The following OVOL2 variants were observed in gnomAD, a reference collection of about 807,000 sequenced individuals.
OVOL2 encodes transcription factor Ovo-like 2.
In OVOL2, 13 loss-of-function variants were observed where a neutral mutation model predicts 18.1. That is an observed-to-expected ratio of 0.72 (90% CI 0.47 to 1.14). The LOEUF (loss-of-function observed/expected upper bound fraction) is 1.14, where lower values mean the gene tolerates loss of function less well. OVOL2 is among the 50% of genes most tolerant of loss of function. The pLI is 0.00. For synonymous variants in OVOL2, 166 were observed against 162.7 expected, an observed-to-expected ratio of 1.02 and a Z score of -0.16; for missense variants, 335 against 383.0, an observed-to-expected ratio of 0.87 and a Z score of 1.05.
intron 3 of OVOL2, among the ~76,000 whole-genome samples, chr20:18,036,854 A>G (rs1226793882): frequency 6.6e-6 from 1 of 152,078 alleles, no homozygotes; most frequent in African/African-American, 2.4e-5. Context: ...AAACTGCAAC[A>G]GGCCGGGCGC....
chr20:18,055,705 A>G (rs1264854711), intron 2 of OVOL2, among the ~76,000 whole-genome samples: 1 of 151,578 alleles, frequency 6.6e-6, no homozygotes, highest in Non-Finnish European at 1.5e-5. Flanking sequence ...ACCGCCCTCT[A>G]CTCCCGGTCT....
At chr20:18,025,581 T>C (rs762830978) in intron 3 of OVOL2, among the ~76,000 whole-genome samples, 1 of 151,940 alleles carries the variant, frequency 6.6e-6, no homozygotes, top group Non-Finnish European at 1.5e-5. Flanking sequence ...AAAAATTAAT[T>C]TGGGTATTCC....
At position 18,047,446 on chromosome 20, in the gene OVOL2, G is replaced by A. The variant is rs576798207; in HGVS notation, c.322-5723C>T. On this transcript the variant is annotated intron_variant, in intron 2 of 3. Coordinates refer to ENST00000278780, the MANE Select transcript of OVOL2 (RefSeq NM_021220.4). The stretch of plus-strand genomic sequence containing the variant: ...AATCGTTTGAACCCGGGAGGCGGAG[G>A]TTGCAGTGAGCCGAAATTGTGCCGT... 1.3e-5 allele frequency among the ~76,000 whole-genome samples: 2 copies of A among 149,624 alleles called. 1 individual carries two copies. The highest frequency in any genetic ancestry group is 3.0e-5 in the Non-Finnish European group (2 of 67,264).
chr20:18,035,139 T>C (rs1295716577), intron 3 of OVOL2, among the ~76,000 whole-genome samples: 1 of 152,142 alleles, frequency 6.6e-6, no homozygotes, highest in African/African-American at 2.4e-5. Context: ...AATACAACAC[T>C]CACAGCTCAA....
At chr20:18,047,660 C>T (rs1278363600) in intron 2 of OVOL2, among the ~76,000 whole-genome samples, 1 of 149,680 alleles carries the variant, frequency 6.7e-6, no homozygotes, top group Non-Finnish European at 1.5e-5. Context: ...TCGAGACCAG[C>T]CTGACCAACA....
At chr20:18,039,659 G>A (rs6080948) in intron 3 of OVOL2, among the ~76,000 whole-genome samples, 57,475 of 147,664 alleles carry the variant, frequency 0.39, 11,728 homozygotes, top group Middle Eastern at 0.47. Flanking sequence ...AGTTTTAAAA[G>A]AGGAAAACAG....
rs113737336 is a variant in OVOL2 at position 18,048,015 on chromosome 20, C to T, written c.322-6292G>A. 5.2e-3 allele frequency among the ~76,000 whole-genome samples: 789 copies of T among 152,020 alleles called. 11 individuals are homozygous for T. The highest frequency in any genetic ancestry group is 0.018 in the African/African-American group (760 of 41,464). On this transcript the variant is annotated intron_variant, in intron 2 of 3. Coordinates refer to ENST00000278780, the MANE Select transcript of OVOL2 (RefSeq NM_021220.4). ...AAATTTCTTGTTTCTCGGCCAGATACGGTGGCTCCTGCCTGTAATCCCAGC... is the reference window on the plus strand; with the variant it reads ...AAATTTCTTGTTTCTCGGCCAGATATGGTGGCTCCTGCCTGTAATCCCAGC...
At chr20:18,033,329 C>A (rs1379279149) in intron 3 of OVOL2, among the ~76,000 whole-genome samples, 1 of 152,176 alleles carries the variant, frequency 6.6e-6, no homozygotes, top group African/African-American at 2.4e-5. Flanking sequence ...CGGCTTCACC[C>A]TGTGGAACTC....
intron 3 of OVOL2, among the ~76,000 whole-genome samples, chr20:18,025,437 C>T (rs1037954536): frequency 7.9e-5 from 12 of 152,138 alleles, no homozygotes; most frequent in South Asian, 4.2e-4. Flanking sequence ...GGCATGGTGG[C>T]GCGCACCCAT....
chr20:18,056,606 C>G lies in OVOL2; in HGVS notation c.321+51G>C. On this transcript the variant is annotated intron_variant, in intron 2 of 3. Transcript: ENST00000278780. The surrounding 1 kb of genome is among the most constrained non-coding windows in gnomAD (Gnocchi z 4.2). Reference sequence around the variant, plus strand: ...GGGAGGGGCGCCGGCCTCGGGAGCCCGACGCCAGGGCGTGGTGCAGGTGGC... The same window carrying G: ...GGGAGGGGCGCCGGCCTCGGGAGCCGGACGCCAGGGCGTGGTGCAGGTGGC... The G allele has an allele frequency of 7.5e-7, 1 of 1,324,834 alleles. No homozygotes were observed. Among genetic ancestry groups the G allele is most frequent in the Non-Finnish European group, 9.7e-7 (1 of 1,034,914 alleles). The allele number at this position is 1,324,834 out of a possible 1,614,324, so 82.1% of individuals were successfully genotyped here.
chr20:18,031,158 G>A (rs912317269), intron 3 of OVOL2, among the ~76,000 whole-genome samples: 1 of 152,206 alleles, frequency 6.6e-6, no homozygotes, highest in East Asian at 1.9e-4. Context: ...ACACGACTGT[G>A]AGTCCAAGGC....
chr20:18,025,396 C>A (rs6080939), intron 3 of OVOL2, among the ~76,000 whole-genome samples: 1 of 151,834 alleles, frequency 6.6e-6, no homozygotes, highest in African/African-American at 2.4e-5. Context: ...GGTGAAACCC[C>A]GTCTCTACTG....
In OVOL2 at chr20:18,041,549, C is replaced by T. The variant is rs367914989; in HGVS notation, c.496G>A (p.Val166Ile). 64 of 1,612,934 alleles carry T rather than the reference C, an allele frequency of 4.0e-5. No individual in the cohort carries two copies. The highest frequency in any genetic ancestry group is 3.3e-4 in the Middle Eastern group (2 of 6,076). Residue 166 changes from valine to isoleucine, a missense_variant, in exon 3 of 4, where the codon GTC becomes ATC. Physicochemically the swap from Val to Ile is conservative, Grantham distance 29. Coordinates refer to ENST00000278780, the MANE Select transcript of OVOL2 (RefSeq NM_021220.4). ...CCCCGCTCACCTGTGTGTGTGCGGA[C>T]GTGCCTCTTCAGGTCGAAGGTGTCG... ...FNDTFDLKRHVRTHTGIRPYK... is the reference protein window; with the variant it reads ...FNDTFDLKRHIRTHTGIRPYK...
chr20:18,037,536 C>T (rs1166903180), intron 3 of OVOL2, among the ~76,000 whole-genome samples: 3 of 152,244 alleles, frequency 2.0e-5, no homozygotes, highest in Non-Finnish European at 4.4e-5. Flanking sequence ...AAATCTTCTG[C>T]CTCCCAGGGC....
intron 2 of OVOL2, among the ~76,000 whole-genome samples, chr20:18,052,547 G>C (rs2036779850): frequency 6.6e-6 from 1 of 152,144 alleles, no homozygotes; most frequent in South Asian, 2.1e-4. Flanking sequence ...GGTTGTTGGG[G>C]CTGGGTGGCA....
chr20:18,026,974 G>T (rs1283830269), intron 3 of OVOL2, among the ~76,000 whole-genome samples: 1 of 152,116 alleles, frequency 6.6e-6, no homozygotes, highest in Non-Finnish European at 1.5e-5. Context: ...GGGGCCAAGG[G>T]CTGAGAAACT....
intron 3 of OVOL2, among the ~76,000 whole-genome samples, chr20:18,031,355 T>A (rs1213351513): frequency 6.6e-6 from 1 of 152,142 alleles, no homozygotes; most frequent in Non-Finnish European, 1.5e-5. Context: ...ATAAGCCTCA[T>A]TCGTAAGCTG....
intron 3 of OVOL2, among the ~76,000 whole-genome samples, chr20:18,032,358 GA>G (rs986128387): frequency 7.2e-6 from 1 of 138,988 alleles, no homozygotes; most frequent in Non-Finnish European, 1.5e-5. Flanking sequence ...GAAAAGAAAA[GA>G]AAAAAGAAGG....
chr20:18,032,851 T>C (rs114485622), intron 3 of OVOL2, among the ~76,000 whole-genome samples: 2,406 of 152,286 alleles, frequency 0.016, 76 homozygotes, highest in African/African-American at 0.055. Context: ...TTAAAAACTT[T>C]TGGGAAAAAA....
Sources: gnomAD v4.1 joint callset for allele counts (sites outside exome capture counted in the v4.1 genomes callset) on GRCh38, gnomAD v4.1.1 for gene constraint, Gnocchi (gnomAD v3.1) non-coding constraint, MANE v1.5 for transcripts, NCBI Gene and HGNC (gene_info 2026-07-23, HGNC 2026-07-21) for gene names.